Variants in MYT1L observed in about 807,000 individuals in gnomAD.
MYT1L encodes myelin transcription factor 1-like protein.
Under a neutral mutation model 126.7 loss-of-function variants are expected in MYT1L, and 12 were observed. The ratio of observed to expected loss-of-function variants is 0.09; its 90% CI spans 0.06 to 0.15. The LOEUF is 0.15. Among genes scored for constraint, MYT1L ranks in the 10% least tolerant of loss-of-function variants. The pLI is 1.00. For missense variants in MYT1L, 979 were observed against 1,585.2 expected, an observed-to-expected ratio of 0.62 and a Z score of 6.49; for synonymous variants, 541 against 604.2, an observed-to-expected ratio of 0.90 and a Z score of 1.53.
chr2:1,965,050 A>T (rs149451447), intron 8 of MYT1L, among the ~76,000 whole-genome samples: 150 of 152,364 alleles, frequency 9.8e-4, no homozygotes, highest in African/African-American at 3.4e-3. Context: ...TAAATTCACC[A>T]GAGTATTCCG....
intron 1 of MYT1L, among the ~76,000 whole-genome samples, chr2:2,309,874 A>G (rs2095930628): frequency 6.6e-6 from 1 of 151,704 alleles, no homozygotes; most frequent in African/African-American, 2.4e-5. Flanking sequence ...TACTCCACCT[A>G]CACTTTAGCA....
intron 21 of MYT1L, among the ~76,000 whole-genome samples, chr2:1,812,707 C>A (rs559970515): frequency 1.9e-4 from 29 of 152,166 alleles, no homozygotes; most frequent in Admixed American, 5.2e-4. Flanking sequence ...GAAACCCTGT[C>A]TCTACTAAAA....
At chr2:2,089,159 T>C (rs2076651762) in intron 3 of MYT1L, among the ~76,000 whole-genome samples, 1 of 152,228 alleles carries the variant, frequency 6.6e-6, no homozygotes, top group Admixed American at 6.5e-5. Flanking sequence ...TATTTGGAAT[T>C]TACAATAAGA....
intron 3 of MYT1L, among the ~76,000 whole-genome samples, chr2:2,077,977 TA>T (rs1247783021): frequency 1.3e-5 from 2 of 152,198 alleles, no homozygotes; most frequent in Non-Finnish European, 2.9e-5. Context: ...CAGAAATCAA[TA>T]ATTATAAAAC....
At chr2:2,011,347 G>A (rs2063799900) in intron 4 of MYT1L, among the ~76,000 whole-genome samples, 1 of 151,226 alleles carries the variant, frequency 6.6e-6, no homozygotes, top group Non-Finnish European at 1.5e-5. Flanking sequence ...GAGTTGCAGT[G>A]AGCCGAGATT....
At chr2:1,896,487 T>A (rs1573343140) in intron 14 of MYT1L, among the ~76,000 whole-genome samples, 1 of 152,348 alleles carries the variant, frequency 6.6e-6, no homozygotes, top group Admixed American at 6.5e-5. Context: ...ATAGACACTC[T>A]GTGATACTAT....
chr2:2,165,116 G>GGCCT (rs1239528270), intron 3 of MYT1L, among the ~76,000 whole-genome samples: 10 of 152,154 alleles, frequency 6.6e-5, no homozygotes, highest in Admixed American at 6.5e-4. Context: ...GGAGCTCACG[G>GGCCT]GCCTCCCCAG....
intron 2 of MYT1L, among the ~76,000 whole-genome samples, chr2:2,241,859 C>T (rs938737774): frequency 6.6e-6 from 1 of 152,088 alleles, no homozygotes; most frequent in Admixed American, 6.6e-5. Flanking sequence ...CCGTACAATG[C>T]CACTCACATG....
At chr2:2,018,050 A>G (rs1290406763) in intron 4 of MYT1L, among the ~76,000 whole-genome samples, 1 of 152,234 alleles carries the variant, frequency 6.6e-6, no homozygotes, top group Non-Finnish European at 1.5e-5. Flanking sequence ...ACAAACGCAC[A>G]CACGTACATA....
intron 2 of MYT1L, among the ~76,000 whole-genome samples, chr2:2,276,504 G>A (rs2095361256): frequency 6.6e-6 from 1 of 152,168 alleles, no homozygotes; most frequent in South Asian, 2.1e-4. Context: ...TGGGGAACGG[G>A]GAGGGCTATA....
At chr2:1,883,097 G>A (rs1343338628) in intron 18 of MYT1L, among the ~76,000 whole-genome samples, 1 of 152,172 alleles carries the variant, frequency 6.6e-6, no homozygotes, top group Non-Finnish European at 1.5e-5. Flanking sequence ...GAGACATCAG[G>A]AAAACTAACA....
intron 18 of MYT1L, among the ~76,000 whole-genome samples, chr2:1,873,836 A>C (rs1334321712): frequency 2.0e-5 from 3 of 152,240 alleles, no homozygotes; most frequent in Non-Finnish European, 4.4e-5. Flanking sequence ...TAAAGAGTAG[A>C]ATACACTCAA....
At chr2:2,041,966 C>T (rs79594191) in intron 4 of MYT1L, among the ~76,000 whole-genome samples, 4,938 of 152,204 alleles carry the variant, frequency 0.032, 133 homozygotes, top group Non-Finnish European at 0.05. Flanking sequence ...AGCTCTTTTA[C>T]CAAAAAAATC....
At chr2:1,951,155 G>T (rs1029556772) in intron 8 of MYT1L, among the ~76,000 whole-genome samples, 1 of 152,270 alleles carries the variant, frequency 6.6e-6, no homozygotes, top group Admixed American at 6.5e-5. Context: ...CTTCTCTGTG[G>T]TTGCTAAATT....
chr2:2,039,315 A>T (rs1021064287), intron 4 of MYT1L, among the ~76,000 whole-genome samples: 5 of 151,956 alleles, frequency 3.3e-5, no homozygotes, highest in Non-Finnish European at 7.4e-5. Context: ...TGGTGGGAGG[A>T]TCGCTTGGGC....
rs1327353634 is a variant in MYT1L, at chr2:1,839,112, C to T, written c.3080+37G>A. 2.6e-6 allele frequency: 4 copies of T among 1,558,608 alleles called. No individual in the cohort carries two copies. The African/African-American group carries it at 4.1e-5, about 16-fold the overall frequency. On this transcript the variant is annotated intron_variant, in intron 21 of 24. Transcript: ENST00000647738. ...CCGTGCCAGTCGGCTCTCGGCGGCA[C>T]CATCCCAGCCAGGGTCCCGCAGACG...
intron 18 of MYT1L, among the ~76,000 whole-genome samples, chr2:1,858,828 C>T (rs900811628): frequency 6.6e-6 from 1 of 152,222 alleles, no homozygotes; most frequent in Non-Finnish European, 1.5e-5. Flanking sequence ...CCGCATGGGG[C>T]GTTGATATTT....
At chr2:2,298,827 C>T (rs973209948) in intron 1 of MYT1L, among the ~76,000 whole-genome samples, 6 of 152,124 alleles carry the variant, frequency 3.9e-5, no homozygotes, top group African/African-American at 1.2e-4. Context: ...ACTCTCTCCA[C>T]GGTAACTCTG....
intron 1 of MYT1L, among the ~76,000 whole-genome samples, chr2:2,294,544 T>C (rs139897717): frequency 2.0e-5 from 3 of 151,936 alleles, no homozygotes; most frequent in Non-Finnish European, 4.4e-5. Context: ...GGAGACTGCA[T>C]TGCATTCGAG....
Sources: gnomAD v4.1 joint callset for allele counts (sites outside exome capture counted in the v4.1 genomes callset) on GRCh38, gnomAD v4.1.1 for gene constraint, MANE v1.5 for transcripts, NCBI Gene and HGNC (gene_info 2026-07-23, HGNC 2026-07-21) for gene names.